The following VAV3 variants were observed in gnomAD, a reference collection of about 807,000 sequenced individuals.
VAV3 encodes guanine nucleotide exchange factor VAV3.
Under a neutral mutation model 131.2 loss-of-function variants are expected in VAV3, and 94 were observed. The observed-to-expected ratio is 0.72, with a 90% CI of 0.61 to 0.85. The LOEUF (loss-of-function observed/expected upper bound fraction) is 0.85. VAV3 is among the 40% of genes least tolerant of loss of function. The pLI is 0.00. For synonymous variants in VAV3, 349 were observed against 342.0 expected (o/e 1.02, Z -0.22); for missense variants, 939 against 1,002.7 (o/e 0.94, Z 0.86).
intron 2 of VAV3, among the ~76,000 whole-genome samples, chr1:107,850,975 G>A (rs1669191534): frequency 6.6e-6 from 1 of 152,008 alleles, no homozygotes; most frequent in Non-Finnish European, 1.5e-5. Flanking sequence ...AGGAAGAAAA[G>A]TTATCCTGAA....
At chr1:107,763,103 A>G (rs1012497280) in intron 9 of VAV3, among the ~76,000 whole-genome samples, 4 of 152,250 alleles carry the variant, frequency 2.6e-5, no homozygotes, top group African/African-American at 9.6e-5. Context: ...TTTTCCTTCT[A>G]TCATGCTGGG....
intron 2 of VAV3, among the ~76,000 whole-genome samples, chr1:107,785,202 T>C (rs1442171260): frequency 6.6e-6 from 1 of 152,184 alleles, no homozygotes; most frequent in African/African-American, 2.4e-5. Context: ...TTAAAACAAG[T>C]CATCTAAGCA....
At chr1:107,717,124 C>A (rs1048807939) in intron 15 of VAV3, among the ~76,000 whole-genome samples, 10 of 152,114 alleles carry the variant, frequency 6.6e-5, no homozygotes, top group African/African-American at 2.4e-4. Flanking sequence ...TGATTCTCCT[C>A]TCTTTTCTTC....
At chr1:107,927,087 G>T (rs116416572) in intron 1 of VAV3, among the ~76,000 whole-genome samples, 1,693 of 152,280 alleles carry the variant, frequency 0.011, 16 homozygotes, top group Non-Finnish European at 0.015. Flanking sequence ...AGACGACCTT[G>T]TCTTGCATCT....
At chr1:107,815,529 C>T (rs1184623307) in intron 2 of VAV3, among the ~76,000 whole-genome samples, 1 of 152,178 alleles carries the variant, frequency 6.6e-6, no homozygotes, top group Non-Finnish European at 1.5e-5. Context: ...CTGTAAATTG[C>T]TCAATATGCT....
chr1:107,736,733 T>C (rs1472879587), intron 15 of VAV3, among the ~76,000 whole-genome samples: 1 of 151,842 alleles, frequency 6.6e-6, no homozygotes, highest in African/African-American at 2.4e-5. Context: ...GAACATTCCA[T>C]GCTCATGGAT....
At chr1:107,620,315 G>T (rs1653470495) in intron 20 of VAV3, among the ~76,000 whole-genome samples, 1 of 152,116 alleles carries the variant, frequency 6.6e-6, no homozygotes, top group South Asian at 2.1e-4. Flanking sequence ...TGACATGTCA[G>T]TCAATGACTA....
intron 1 of VAV3, among the ~76,000 whole-genome samples, chr1:107,902,133 A>C (rs556531263): frequency 1.4e-4 from 22 of 152,326 alleles, no homozygotes; most frequent in African/African-American, 4.8e-4. Context: ...AGAAATATTA[A>C]GCATGCCTTA....
intron 4 of VAV3, among the ~76,000 whole-genome samples, chr1:107,773,754 C>T (rs543856732): frequency 6.6e-6 from 1 of 152,248 alleles, no homozygotes; most frequent in South Asian, 2.1e-4. Context: ...GGCCAGAGAA[C>T]ATTAGGGCAG....
At chr1:107,782,520 A>G (rs923891348) in intron 2 of VAV3, among the ~76,000 whole-genome samples, 3 of 152,208 alleles carry the variant, frequency 2.0e-5, no homozygotes, top group African/African-American at 7.2e-5. Context: ...GTTATTTATT[A>G]CTATTCACTA....
rs1403610056 is a variant in VAV3, at chr1:107,755,438, T to C, written c.1162A>G (p.Ile388Val). The change falls in exon 12 of 27, where the codon ATA becomes GTA. Residue 388 changes from isoleucine to valine, a missense_variant. Ile to Val is a conservative substitution (Grantham distance 29). Transcript: ENST00000370056. Reference sequence around the variant, plus strand: ...AGATAATTACATACCAAATTCTCTATAGATAGCTGAAACTGTTTAATTTCA... The same window carrying C: ...AGATAATTACATACCAAATTCTCTACAGATAGCTGAAACTGTTTAATTTCA... ...LREIKQFQLSIENLNQPVLLF... is the reference protein window; with the variant it reads ...LREIKQFQLSVENLNQPVLLF... 1.9e-6 allele frequency: 3 copies of C among 1,611,474 alleles called. No homozygotes were observed. The highest frequency in any genetic ancestry group is 2.5e-6 in the Non-Finnish European group (3 of 1,177,782).
intron 19 of VAV3, among the ~76,000 whole-genome samples, chr1:107,681,906 G>A (rs10881477): frequency 6.6e-6 from 1 of 152,048 alleles, no homozygotes; most frequent in African/African-American, 2.4e-5. Context: ...GTGATCCGCC[G>A]GCCTTGACCT....
Position 107,596,219 on chromosome 1 carries a change from G to A in VAV3, c.2343C>T (p.Gly781=), listed in dbSNP as rs1185561479. ...HSAGQRGNRA[G]NSLLSPKVLG... ...CTCAATTACAATACTTACAGCTGTTGCCTGCTCTATTACCCCTCTGTCCAG... is the reference window on the plus strand; with the variant it reads ...CTCAATTACAATACTTACAGCTGTTACCTGCTCTATTACCCCTCTGTCCAG... The change falls in exon 25 of 27, where the codon GGC becomes GGT. Residue 781 remains glycine, a synonymous_variant. Transcript: ENST00000370056. 6.2e-7 allele frequency: 1 copy of A among 1,612,580 alleles called. No individual in the cohort carries two copies. The highest frequency in any genetic ancestry group is 8.5e-7 in the Non-Finnish European group (1 of 1,179,256).
intron 2 of VAV3, among the ~76,000 whole-genome samples, chr1:107,806,001 G>T (rs1336740381): frequency 6.6e-6 from 1 of 152,126 alleles, no homozygotes; most frequent in African/African-American, 2.4e-5. Flanking sequence ...GATATCTGTG[G>T]AATGTACCAC....
chr1:107,667,079 C>A (rs1030882566), intron 19 of VAV3, among the ~76,000 whole-genome samples: 1 of 152,318 alleles, frequency 6.6e-6, no homozygotes. Flanking sequence ...GCTATGGCCT[C>A]GAGAGTCTGG....
intron 15 of VAV3, among the ~76,000 whole-genome samples, chr1:107,723,800 T>G (rs1485548891): frequency 6.6e-6 from 1 of 152,142 alleles, no homozygotes; most frequent in Non-Finnish European, 1.5e-5. Context: ...TTTTCCTCTG[T>G]TGTAAATTAG....
intron 2 of VAV3, among the ~76,000 whole-genome samples, chr1:107,856,771 T>C (rs1040168668): frequency 1.3e-5 from 2 of 152,148 alleles, no homozygotes; most frequent in Admixed American, 1.3e-4. Context: ...GCATGGTGGC[T>C]CACACCTGTA....
At chr1:107,804,058 T>TC (rs1285228206) in intron 2 of VAV3, among the ~76,000 whole-genome samples, 6 of 152,062 alleles carry the variant, frequency 3.9e-5, no homozygotes, top group Non-Finnish European at 8.8e-5. Context: ...GTATAATTAT[T>TC]CCCCCCATTT....
At chr1:107,895,177 T>C (rs1671509457) in intron 1 of VAV3, among the ~76,000 whole-genome samples, 1 of 151,914 alleles carries the variant, frequency 6.6e-6, no homozygotes, top group African/African-American at 2.4e-5. Context: ...GCAATGATCA[T>C]GAGAACTTAA....
Sources: gnomAD v4.1 joint callset for allele counts (sites outside exome capture counted in the v4.1 genomes callset) on GRCh38, gnomAD v4.1.1 for gene constraint, MANE v1.5 for transcripts, NCBI Gene and HGNC (gene_info 2026-07-23, HGNC 2026-07-21) for gene names.